Variants in TIAM1 observed in about 807,000 individuals in gnomAD.
TIAM1 encodes the protein TIAM Rac1 associated GEF 1, also known as rho guanine nucleotide exchange factor TIAM1.
In TIAM1, 65 loss-of-function variants were observed where a neutral mutation model predicts 163.5. The observed-to-expected ratio is 0.40, with a 90% confidence interval of 0.33 to 0.49. The LOEUF (loss-of-function observed/expected upper bound fraction) is 0.49. TIAM1 is among the 20% of genes least tolerant of loss of function. The pLI is 0.77. For missense variants in TIAM1, 1,789 were observed against 2,044.7 expected (o/e 0.87, Z 2.41); for synonymous variants, 833 against 810.1 (o/e 1.03, Z -0.48).
intron 14 of TIAM1, among the ~76,000 whole-genome samples, chr21:31,182,944 A>T (rs938772960): frequency 6.6e-6 from 1 of 152,202 alleles, no homozygotes; most frequent in Non-Finnish European, 1.5e-5. Context: ...AATGCTAATT[A>T]ATTCCGGTTA....
chr21:31,366,430 G>T lies in TIAM1; in HGVS notation c.-368-27008C>A, dbSNP rs571704428. On this transcript the variant is annotated intron_variant, in intron 2 of 28. Coordinates refer to the TIAM1 transcript ENST00000286827. The stretch of plus-strand genomic sequence containing the variant: ...ATGTCACCCTTTGGCTCCTCAGTTT[G>T]GGAATTGATGGGCAATGAACACACT... Among the ~76,000 whole-genome samples, 3 of 152,286 alleles carry T rather than the reference G, an allele frequency of 2.0e-5. No homozygotes were observed. The South Asian group carries it at 6.2e-4, about 32-fold the overall frequency.
At chr21:31,353,920 C>A (rs1449611999) in intron 2 of TIAM1, among the ~76,000 whole-genome samples, 1 of 135,808 alleles carries the variant, frequency 7.4e-6, no homozygotes, top group Non-Finnish European at 1.5e-5. Flanking sequence ...CTCACTGCAA[C>A]CTCTGCCTCC....
chr21:31,210,586 GAA>G (rs746878863), intron 10 of TIAM1, among the ~76,000 whole-genome samples: 28 of 116,866 alleles, frequency 2.4e-4, no homozygotes, highest in African/African-American at 6.7e-4. Flanking sequence ...AAGAAAGAAA[GAA>G]AGAAAGAGAG....
chr21:31,484,751 C>T (rs1287373754), intron 1 of TIAM1, among the ~76,000 whole-genome samples: 1 of 152,192 alleles, frequency 6.6e-6, no homozygotes. Flanking sequence ...GAGGCTCCCC[C>T]AGTACAGCCA....
At chr21:31,161,436 G>A (rs1185518280) in intron 16 of TIAM1, among the ~76,000 whole-genome samples, 1 of 152,168 alleles carries the variant, frequency 6.6e-6, no homozygotes, top group Non-Finnish European at 1.5e-5. Flanking sequence ...GACTGTCCCT[G>A]CAGTGTGACA....
chr21:31,160,028 C>T (rs1273385585), intron 16 of TIAM1, among the ~76,000 whole-genome samples: 1 of 152,186 alleles, frequency 6.6e-6, no homozygotes, highest in African/African-American at 2.4e-5. Flanking sequence ...TTCCAGACCT[C>T]CCTGCCGATC....
At chr21:31,226,017 G>T in intron 6 of TIAM1, 67 bp from the exon 7 acceptor site, 1 of 1,433,500 alleles carries the variant, frequency 7.0e-7, no homozygotes, top group Non-Finnish European at 9.7e-7. Flanking sequence ...ATGAACCGGA[G>T]CATTTCCAGA....
intron 2 of TIAM1, among the ~76,000 whole-genome samples, chr21:31,357,777 T>C (rs956515181): frequency 3.1e-4 from 47 of 152,226 alleles, no homozygotes; most frequent in Non-Finnish European, 2.9e-4. Flanking sequence ...ATAAAGCCAA[T>C]GTTTCTCTCT....
chr21:31,464,368 G>C (rs2045444719), intron 1 of TIAM1, among the ~76,000 whole-genome samples: 1 of 152,128 alleles, frequency 6.6e-6, no homozygotes, highest in African/African-American at 2.4e-5. Flanking sequence ...AAGGACACAA[G>C]ATGAGTAATA....
chr21:31,155,348 G>A (rs573820763), intron 16 of TIAM1, among the ~76,000 whole-genome samples: 2 of 152,322 alleles, frequency 1.3e-5, no homozygotes, highest in African/African-American at 4.8e-5. Flanking sequence ...GCACACCAGA[G>A]ATCAATTTCA....
intron 1 of TIAM1, among the ~76,000 whole-genome samples, chr21:31,551,806 C>G (rs2123320167): frequency 6.6e-6 from 1 of 152,168 alleles, no homozygotes; most frequent in Middle Eastern, 3.4e-3. Flanking sequence ...AGGTGAGATG[C>G]AATTGCCACT....
intron 1 of TIAM1, among the ~76,000 whole-genome samples, chr21:31,539,391 G>A (rs999225295): frequency 5.3e-5 from 8 of 150,108 alleles, no homozygotes; most frequent in African/African-American, 1.0e-4. Flanking sequence ...TCAGCCTCCC[G>A]AGTAGCTGGG....
rs1569068901 is a variant in TIAM1, at chr21:31,228,243, A to T, written c.1585-2293T>A. On this transcript the variant is annotated intron_variant, in intron 6 of 27. Coordinates refer to ENST00000541036, the MANE Select transcript of TIAM1 (RefSeq NM_001353694.2). ...TTTAAAAAAAAAAAAAAAAAAAAAA[A>T]AAAAAAAAAAAAAAAAGGAAGGAAA... Among the ~76,000 whole-genome samples, 274 of 51,692 alleles carry T rather than the reference A, an allele frequency of 5.3e-3. 9 individuals carry two copies. In the East Asian group the frequency reaches 0.091, roughly 17 times the overall value. The allele number at this position is 51,692 out of a possible 152,430, so 33.9% of individuals were successfully genotyped here.
chr21:31,556,562 C>T lies in TIAM1; in HGVS notation c.-422+2365G>A, dbSNP rs554909651. On this transcript the variant is annotated intron_variant, in intron 1 of 28. Transcript: ENST00000286827. ...TTTTTTTTTTCAATAAAATCTTTGT[C>T]GTTAAGCCTGAGATCATCTGATCTG... is the stretch of plus-strand genomic sequence containing the variant. 1.7e-3 allele frequency among the ~76,000 whole-genome samples: 263 copies of T among 151,684 alleles called. 2 individuals are homozygous for T. Among genetic ancestry groups the T allele is most frequent in the African/African-American group, 6.0e-3 (250 of 41,372 alleles).
chr21:31,544,959 G>A (rs1287973800), intron 1 of TIAM1, among the ~76,000 whole-genome samples: 2 of 152,094 alleles, frequency 1.3e-5, no homozygotes, highest in Non-Finnish European at 2.9e-5. Flanking sequence ...CTTGCAGTAA[G>A]CCAAGATCAC....
chr21:31,178,303 CTTTT>C (rs10671534), intron 15 of TIAM1, among the ~76,000 whole-genome samples: 3 of 96,096 alleles, frequency 3.1e-5, no homozygotes, highest in East Asian at 3.7e-4. Flanking sequence ...TTCAGGAATT[CTTTT>C]TTTTTTTTTT....
chr21:31,443,787 G>C (rs1204602499), intron 2 of TIAM1, among the ~76,000 whole-genome samples: 1 of 152,140 alleles, frequency 6.6e-6, no homozygotes, highest in Non-Finnish European at 1.5e-5. Flanking sequence ...GAACTATTGT[G>C]GTTTTCCAAG....
At chr21:31,446,505 C>T (rs541982373) in intron 2 of TIAM1, among the ~76,000 whole-genome samples, 2 of 152,282 alleles carry the variant, frequency 1.3e-5, no homozygotes, top group South Asian at 2.1e-4. Flanking sequence ...AACTTACACA[C>T]CACACTTTCA....
chr21:31,320,228 C>T (rs2075267679), intron 2 of TIAM1, among the ~76,000 whole-genome samples: 1 of 152,056 alleles, frequency 6.6e-6, no homozygotes, highest in African/African-American at 2.4e-5. Context: ...ATGTATGATT[C>T]CACTTAGACG....
Sources: gnomAD v4.1 joint callset for allele counts (sites outside exome capture counted in the v4.1 genomes callset) on GRCh38, gnomAD v4.1.1 for gene constraint, MANE v1.5 for transcripts, NCBI Gene and HGNC (gene_info 2026-07-23, HGNC 2026-07-21) for gene names.